The following DPPA4 variants were observed in gnomAD, a reference collection of about 807,000 sequenced individuals.
DPPA4 encodes the protein developmental pluripotency associated 4.
DPPA4 carries 22 observed loss-of-function variants against 33.7 expected under a neutral mutation model. The ratio of observed to expected loss-of-function variants is 0.65; its 90% CI spans 0.47 to 0.93. DPPA4 has a LOEUF of 0.93. Ranked by LOEUF, DPPA4 falls within the 40% of genes least tolerant of loss-of-function variation. DPPA4 has a pLI of 0.00. For missense variants in DPPA4, 340 were observed against 358.6 expected (o/e 0.95, Z 0.42); for synonymous variants, 156 against 132.3 (o/e 1.18, Z -1.23).
chr3:109,334,310 G>A (rs1041717806), intron 1 of DPPA4, among the ~76,000 whole-genome samples: 1 of 152,180 alleles, frequency 6.6e-6, no homozygotes, highest in Non-Finnish European at 1.5e-5. Context: ...GCTATAGGAG[G>A]CCTAGGCAAG....
chr3:109,333,676 A>G lies in DPPA4; in HGVS notation c.178+194T>C, dbSNP rs1708132168. 7 of 486,194 alleles carry G rather than the reference A, an allele frequency of 1.4e-5. No homozygotes were observed. In the South Asian group the frequency reaches 2.2e-4, roughly 15 times the overall value. The allele number at this position is 486,194 out of a possible 1,614,324, so 30.1% of individuals were successfully genotyped here. A position where few individuals can be genotyped will look rare whatever the true frequency, so the allele number is the denominator to read the frequency against. ...AAATATGCTGTGGAAGTCTGAAGAT[A>G]GGAAGGGATCAGTTAGAGCAGTGGT... is the stretch of plus-strand genomic sequence containing the variant. On this transcript the variant is annotated intron_variant, in intron 2 of 6. Transcript: ENST00000335658.
Position 109,330,645 on chromosome 3 carries a change from A to T in DPPA4, c.558T>A (p.Leu186=). ...TCACCACAACTGTATTAACTCCCTC[A>T]AGGAGAGCAGTGGAATTTTCCAGGG... ...PPALENSTAL[L]EGVNTVVVTT... Residue 186 remains leucine (L), a synonymous_variant, in exon 5 of 7, where the codon CTT becomes CTA. Coordinates refer to ENST00000335658, the MANE Select transcript of DPPA4 (RefSeq NM_018189.4). 6.2e-7 allele frequency: 1 copy of T among 1,614,118 alleles called. No individual in the cohort carries two copies. Among genetic ancestry groups the T allele is most frequent in the Non-Finnish European group, 8.5e-7 (1 of 1,180,016 alleles).
upstream of DPPA4, among the ~76,000 whole-genome samples, chr3:109,339,089 G>T (rs1326754409): frequency 6.7e-6 from 1 of 149,700 alleles, no homozygotes; most frequent in African/African-American, 2.6e-5. Flanking sequence ...TACCAAGGAG[G>T]TTGAGGCAGG....
At chr3:109,337,594 T>TACAA, upstream of DPPA4, 1 of 1,286,578 alleles carries the variant, frequency 7.8e-7, no homozygotes, top group Non-Finnish European at 1.1e-6. Flanking sequence ...AAGACCCTTT[T>TACAA]TCTCTCCACC....
chr3:109,336,045 C>T (rs984534720), intron 1 of DPPA4, among the ~76,000 whole-genome samples: 4 of 151,246 alleles, frequency 2.6e-5, no homozygotes, highest in Admixed American at 6.6e-5. Flanking sequence ...CCCAGCTAAT[C>T]GAGAGGCTGA....
chr3:109,329,026 G>A lies in DPPA4; in HGVS notation c.742C>T (p.Leu248=), dbSNP rs1302712021. 6.2e-7 allele frequency: 1 copy of A among 1,614,070 alleles called. No individual in the cohort carries two copies. The highest frequency in any genetic ancestry group is 8.5e-7 in the Non-Finnish European group (1 of 1,180,026). ...LPADTDGWVH[L]QFHAGQAWVP... ...CAGGCTTGACCAGCATGAAACTGCA[G>A]GTGAACCCAACCATCTGTGTCTGCA... Residue 248 remains leucine (L), a synonymous_variant, in exon 6 of 7, where the codon CTG becomes TTG. Coordinates refer to ENST00000335658, the MANE Select transcript of DPPA4 (RefSeq NM_018189.4).
chr3:109,334,211 G>C (rs1335010899), intron 1 of DPPA4, among the ~76,000 whole-genome samples: 1 of 152,194 alleles, frequency 6.6e-6, no homozygotes, highest in African/African-American at 2.4e-5. Context: ...GAAAGCACAT[G>C]AAAAGACAGA....
chr3:109,334,800 T>C (rs868286616), intron 1 of DPPA4, among the ~76,000 whole-genome samples: 17 of 152,288 alleles, frequency 1.1e-4, no homozygotes, highest in African/African-American at 3.6e-4. Flanking sequence ...CTTTCCAAAG[T>C]TGTTACATTC....
At chr3:109,339,255 T>C (rs1708268085), upstream of DPPA4, among the ~76,000 whole-genome samples, 1 of 152,100 alleles carries the variant, frequency 6.6e-6, no homozygotes, top group Non-Finnish European at 1.5e-5. Context: ...CCAGATTGAT[T>C]CATTTTTAAA....
chr3:109,330,914 A>G (rs1708057601), intron 4 of DPPA4, 102 bp from the exon 5 acceptor site: 1 of 1,060,660 alleles, frequency 9.4e-7, no homozygotes, highest in Non-Finnish European at 1.3e-6. Flanking sequence ...ACTTAGGAGG[A>G]CTAGGTTCAA....
chr3:109,328,134 C>T (rs932651126), intron 6 of DPPA4, 110 bp from the exon 7 acceptor site: 9 of 711,380 alleles, frequency 1.3e-5, no homozygotes, highest in Admixed American at 1.3e-4. Flanking sequence ...ACTTTAGGAT[C>T]ATAGGTAGCA....
At chr3:109,329,306 C>A (rs191960550) in intron 5 of DPPA4, 3 of 501,076 alleles carry the variant, frequency 6.0e-6, no homozygotes, top group Non-Finnish European at 1.1e-5. Flanking sequence ...GAGGCCGAGG[C>A]GGGTGGATCA....
intron 6 of DPPA4, among the ~76,000 whole-genome samples, chr3:109,328,328 A>G (rs1385887933): frequency 6.6e-6 from 1 of 152,192 alleles, no homozygotes; most frequent in Admixed American, 6.5e-5. Context: ...GTTCTCTTCA[A>G]CTTGCTTGGC....
rs1019874983 is a variant in DPPA4, at chr3:109,327,674, C to G, written c.*314G>C. The G allele has an allele frequency of 8.1e-6, 2 of 246,148 alleles. No homozygotes were observed. Among genetic ancestry groups the G allele is most frequent in the African/African-American group, 4.6e-5 (2 of 43,652 alleles). 15.2% of individuals were successfully genotyped at this position (246,148 alleles called of 1,614,324 possible). ...AACAGTGAGACACTGTCTCAAAATA[C>G]AACAAAAAAAAGCTGCTGCTGAAGT... On this transcript the variant is annotated 3_prime_UTR_variant, in exon 7 of 7. Coordinates refer to ENST00000335658, the MANE Select transcript of DPPA4 (RefSeq NM_018189.4).
Position 109,337,149 on chromosome 3 carries a change from C to G in DPPA4, c.54+315G>C, listed in dbSNP as rs546750854. ...TCCCGACCTCAGGTGATCCGCCCGC[C>G]TCGGCTGCCCAAAGTGCTGGGATTA... On this transcript the variant is annotated intron_variant, in intron 1 of 6. Coordinates refer to ENST00000335658, the MANE Select transcript of DPPA4 (RefSeq NM_018189.4). Among the ~76,000 whole-genome samples, 3 of 151,896 alleles carry G rather than the reference C, an allele frequency of 2.0e-5. No individual in the cohort carries two copies. The East Asian group carries it at 5.8e-4, about 30-fold the overall frequency.
intron 5 of DPPA4, chr3:109,329,583 T>TAA (rs1257521107): frequency 3.2e-5 from 5 of 157,314 alleles, no homozygotes; most frequent in African/African-American, 9.6e-5. Context: ...TGTTAAAACT[T>TAA]AAAAATCTAG....
rs761369112 is a variant in DPPA4 at position 109,328,999 on chromosome 3, C to G, written c.769G>C (p.Val257Leu). 2.5e-6 allele frequency: 4 copies of G among 1,613,950 alleles called. No individual in the cohort carries two copies. The Admixed American group carries it at 6.7e-5, about 27-fold the overall frequency. Residue 257 changes from valine (V) to leucine (L), a missense_variant, in exon 6 of 7, where the codon GTT becomes CTT. Physicochemically the swap from Val to Leu is conservative, Grantham distance 32. This residue lies in a region of DPPA4 where 212 missense variants were observed against 206.5 expected (regional missense o/e 1.03). Transcript: ENST00000335658. Reference sequence around the variant, plus strand: ...ACTCTCCCTTCTTGCTTTTCTGGAACCCAGGCTTGACCAGCATGAAACTGC... The same window carrying G: ...ACTCTCCCTTCTTGCTTTTCTGGAAGCCAGGCTTGACCAGCATGAAACTGC... ...HLQFHAGQAWVPEKQEGRVSA... is the reference protein window; with the variant it reads ...HLQFHAGQAWLPEKQEGRVSA...
chr3:109,330,091 C>T lies in DPPA4; in HGVS notation c.679+433G>A, dbSNP rs143111317. On this transcript the variant is annotated intron_variant, in intron 5 of 6. Coordinates refer to ENST00000335658, the MANE Select transcript of DPPA4 (RefSeq NM_018189.4). ...CCAAGGTGGGAGGATCATCTGAGGT[C>T]GGGAGTTCGAGACCAGCCTGACCAA... is the stretch of plus-strand genomic sequence containing the variant. 864 of 201,680 alleles carry T rather than the reference C, an allele frequency of 4.3e-3. 9 individuals carry two copies. Among genetic ancestry groups the T allele is most frequent in the African/African-American group, 0.019 (797 of 41,894 alleles). The allele number at this position is 201,680 out of a possible 1,614,324, so 12.5% of individuals were successfully genotyped here. A position where few individuals can be genotyped will look rare whatever the true frequency, so the allele number is the denominator to read the frequency against.
chr3:109,339,484 C>A (rs1470141685), upstream of DPPA4, among the ~76,000 whole-genome samples: 1 of 152,108 alleles, frequency 6.6e-6, no homozygotes, highest in African/African-American at 2.4e-5. Flanking sequence ...ATCAGAAGAG[C>A]AGGGCGTGGT....
Sources: allele counts gnomAD v4.1 joint callset (sites outside exome capture counted in the v4.1 genomes callset), GRCh38; gene constraint gnomAD v4.1.1; regional missense constraint gnomAD v4.1.1; transcripts MANE v1.5; gene names NCBI Gene and HGNC (gene_info 2026-07-23, HGNC 2026-07-21).